Variants in CELSR1 observed in about 807,000 individuals in gnomAD.
CELSR1 encodes cadherin EGF LAG seven-pass G-type receptor 1, also known as adhesion G protein-coupled receptor C1.
Under a neutral mutation model 249.1 loss-of-function variants are expected in CELSR1, and 110 were observed. The ratio of observed to expected loss-of-function variants is 0.44; its 90% CI spans 0.38 to 0.52. The LOEUF (loss-of-function observed/expected upper bound fraction) is 0.52. Ranked by LOEUF, CELSR1 falls within the 20% of genes least tolerant of loss-of-function variation. CELSR1 has a pLI of 0.00. For missense variants in CELSR1, 4,109 were observed against 4,296.4 expected, an observed-to-expected ratio of 0.96 and a Z score of 1.22; for synonymous variants, 2,113 against 1,900.0, an observed-to-expected ratio of 1.11 and a Z score of -2.92.
rs1183091134 is a variant in CELSR1, at chr22:46,490,645, T to C, written c.3545-26300A>G. On this transcript the variant is annotated intron_variant, in intron 1 of 34. Coordinates refer to ENST00000674500, the MANE Select transcript of CELSR1 (RefSeq NM_001378328.1). This position sits in a 1 kb window ranked among gnomAD's most constrained non-coding sequence, Gnocchi z 5.2. Reference sequence around the variant, plus strand: ...AGCGTCGTGGAGCCTCCCTCAGGCATGGCTGTGAGCGCCACAGCTGCAGAC... The same window carrying C: ...AGCGTCGTGGAGCCTCCCTCAGGCACGGCTGTGAGCGCCACAGCTGCAGAC... Among the ~76,000 whole-genome samples the C allele has an allele frequency of 6.6e-6, 1 of 151,836 alleles. No individual in the cohort carries two copies. The highest frequency in any genetic ancestry group is 1.5e-5 in the Non-Finnish European group (1 of 67,956).
In CELSR1 at chr22:46,369,212, C is replaced by G; in HGVS notation, c.7919G>C (p.Arg2640Thr). ...SVLSAKVSCQ[R>T]KHHYYGKKGI... ...TTTTTTCCCATAATAATGGTGCTTT[C>G]TTTGGCAGGAAACCTTTGCAGATAG... Residue 2640 changes from arginine to threonine, a missense_variant, in exon 27 of 35, where the codon AGA (arginine) becomes ACA (threonine). Around this residue, in one of 7 missense-constraint regions of CELSR1, gnomAD observed 1,805 missense variants for 1,831.6 expected, o/e 0.99. Coordinates refer to ENST00000674500, the MANE Select transcript of CELSR1 (RefSeq NM_001378328.1). 1 of 1,614,158 alleles carries G rather than the reference C, an allele frequency of 6.2e-7. No individual in the cohort carries two copies. The highest frequency in any genetic ancestry group is 1.3e-5 in the African/African-American group (1 of 75,064).
intron 2 of CELSR1, among the ~76,000 whole-genome samples, chr22:46,442,714 A>T (rs1043946147): frequency 2.0e-5 from 3 of 152,202 alleles, no homozygotes; most frequent in African/African-American, 7.2e-5. Flanking sequence ...ATCAGAGGTA[A>T]ATGGTGCCTC....
At chr22:46,509,773 G>A (rs1157304830) in intron 1 of CELSR1, among the ~76,000 whole-genome samples, 1 of 152,146 alleles carries the variant, frequency 6.6e-6, no homozygotes. Flanking sequence ...GGTTTCACGA[G>A]GGGATGGCTG....
chr22:46,433,598 T>TC lies in CELSR1; in HGVS notation c.4523-118dup. The stretch of plus-strand genomic sequence containing the variant: ...CAGGTGCACATGGCCACGTCCTCCC[T>TC]CCCCTCCCCACGGCACCATGGTGGG... On this transcript the variant is annotated intron_variant, in intron 4 of 34. Transcript: ENST00000674500. The surrounding 1 kb of genome is among the most constrained non-coding windows in gnomAD (Gnocchi z 5.7). The TC allele has an allele frequency of 1.4e-6, 1 of 689,968 alleles. No homozygotes were observed. Among genetic ancestry groups the TC allele is most frequent in the Admixed American group, 2.4e-5 (1 of 41,372 alleles). 42.7% of individuals were successfully genotyped at this position (689,968 alleles called of 1,614,324 possible).
At position 46,427,705 on chromosome 22, in the gene CELSR1, T is replaced by G. The variant is rs911156351; in HGVS notation, c.4611+5688A>C. ...TTCTATTAAATACCTTCCAAGTTCGTTTCTGTAAGTTGGATTCTGTGCGTG... is the reference window on the plus strand; with the variant it reads ...TTCTATTAAATACCTTCCAAGTTCGGTTCTGTAAGTTGGATTCTGTGCGTG... On this transcript the variant is annotated intron_variant, in intron 5 of 34. Transcript: ENST00000674500. This position sits in a 1 kb window ranked among gnomAD's most constrained non-coding sequence, Gnocchi z 4.2. 1.4e-4 allele frequency among the ~76,000 whole-genome samples: 22 copies of G among 152,184 alleles called. No homozygotes were observed. The highest frequency in any genetic ancestry group is 2.4e-5 in the African/African-American group (1 of 41,436).
At chr22:46,452,969 TG>T (rs1477011577) in intron 2 of CELSR1, among the ~76,000 whole-genome samples, 5 of 152,010 alleles carry the variant, frequency 3.3e-5, no homozygotes, top group East Asian at 1.9e-4. Context: ...TAGAGTTGAG[TG>T]GGGACATTCA....
chr22:46,439,612 G>A (rs2147469543), intron 2 of CELSR1, among the ~76,000 whole-genome samples: 1 of 152,256 alleles, frequency 6.6e-6, no homozygotes, highest in South Asian at 2.1e-4. Flanking sequence ...GCCAGAGTCG[G>A]CTGCACCCAG....
At chr22:46,387,644 C>T (rs749634509) in intron 18 of CELSR1, among the ~76,000 whole-genome samples, 1 of 152,130 alleles carries the variant, frequency 6.6e-6, no homozygotes, top group Non-Finnish European at 1.5e-5. Context: ...CAGGCGTGAG[C>T]GACCGCGCCC....
intron 1 of CELSR1, among the ~76,000 whole-genome samples, chr22:46,503,029 A>T (rs1288991965): frequency 6.6e-6 from 1 of 152,170 alleles, no homozygotes; most frequent in African/African-American, 2.4e-5. Flanking sequence ...CAACTCCAGG[A>T]CAGCCCCCCT....
At position 46,536,196 on chromosome 22, in the gene CELSR1, G is replaced by A. The variant is rs762194089; in HGVS notation, c.975C>T (p.Ala325=). Residue 325 remains alanine, a synonymous_variant, in exon 1 of 35, where the codon GCC becomes GCT. Transcript: ENST00000674500. ...TKETHVLRVK[A]VDYSTPPRSA... The stretch of plus-strand genomic sequence containing the variant: ...AGCGCGGCGGCGTACTGTAGTCCAC[G>A]GCTTTCACCCTGAGGACGTGCGTCT... 53 of 1,612,670 alleles carry A rather than the reference G, an allele frequency of 3.3e-5. No homozygotes were observed. Among genetic ancestry groups the A allele is most frequent in the Non-Finnish European group, 4.2e-5 (49 of 1,179,996 alleles).
At chr22:46,493,616 C>A (rs1347285037) in intron 1 of CELSR1, among the ~76,000 whole-genome samples, 1 of 151,882 alleles carries the variant, frequency 6.6e-6, no homozygotes, top group East Asian at 1.9e-4. Context: ...CAAATCTCAT[C>A]TTGAATTGTA....
At chr22:46,369,361 G>T in intron 26 of CELSR1, 103 bp from the exon 27 acceptor site, 2 of 992,540 alleles carry the variant, frequency 2.0e-6, no homozygotes, top group Non-Finnish European at 3.1e-6. Context: ...AGGGGTGGCT[G>T]GGTGAGGAGG....
Position 46,456,063 on chromosome 22 carries a change from C to T in CELSR1, c.4183+7644G>A, listed in dbSNP as rs542564117. 3.5e-4 allele frequency among the ~76,000 whole-genome samples: 53 copies of T among 152,298 alleles called. 3 individuals are homozygous for T. The South Asian group carries it at 0.01, about 30-fold the overall frequency. On this transcript the variant is annotated intron_variant, in intron 2 of 34. Transcript: ENST00000674500. Reference sequence around the variant, plus strand: ...TTCCCAAGAAAGGATTCTGTTACTGCTTTATTTGAGATTTTAATTACAGGT... The same window carrying T: ...TTCCCAAGAAAGGATTCTGTTACTGTTTTATTTGAGATTTTAATTACAGGT...
intron 1 of CELSR1, chr22:46,481,237 T>G (rs1254563355): frequency 4.6e-5 from 14 of 304,836 alleles, no homozygotes; most frequent in Non-Finnish European, 7.0e-5. Flanking sequence ...AACAAGACCA[T>G]GTCTCAAAAA....
At chr22:46,369,612 G>T (rs1316821298) in intron 26 of CELSR1, 80 bp downstream of exon 26, 8 of 1,342,948 alleles carry the variant, frequency 6.0e-6, no homozygotes, top group Non-Finnish European at 8.4e-6. Context: ...AGGAGTTGGT[G>T]GCCCCAGCCA....
chr22:46,520,946 C>A (rs1012309725), intron 1 of CELSR1, among the ~76,000 whole-genome samples: 1 of 152,162 alleles, frequency 6.6e-6, no homozygotes, highest in Non-Finnish European at 1.5e-5. Context: ...GAATTTGACT[C>A]CTCTAGGGAC....
In CELSR1 at chr22:46,468,534, AC is replaced by A; in HGVS notation, c.3545-4190del. Among the ~76,000 whole-genome samples, 1 of 152,270 alleles carries A rather than the reference AC, an allele frequency of 6.6e-6. No individual in the cohort carries two copies. The highest frequency in any genetic ancestry group is 2.1e-4 in the South Asian group (1 of 4,828). On this transcript the variant is annotated intron_variant, in intron 1 of 34. Coordinates refer to ENST00000674500, the MANE Select transcript of CELSR1 (RefSeq NM_001378328.1). This position sits in a 1 kb window ranked among gnomAD's most constrained non-coding sequence, Gnocchi z 4.5. ...GCCGGTCACATGTGAGGCTGCACTT[AC>A]AGGAGGTCCCTAGAGGAGTTCGATT...
In CELSR1 at chr22:46,428,305, G is replaced by T. The variant is rs2079558256; in HGVS notation, c.4611+5088C>A. ...CTCCAGCAGCCAGCTCAGGCATGGG[G>T]CTTCATTGCGTGTGGTCTAGCCACC... On this transcript the variant is annotated intron_variant, in intron 5 of 34. Transcript: ENST00000674500. This position sits in a 1 kb window ranked among gnomAD's most constrained non-coding sequence, Gnocchi z 5.7. Among the ~76,000 whole-genome samples, 1 of 152,246 alleles carries T rather than the reference G, an allele frequency of 6.6e-6. No individual in the cohort carries two copies. The highest frequency in any genetic ancestry group is 2.4e-5 in the African/African-American group (1 of 41,456).
chr22:46,422,835 G>A (rs1244832831), intron 5 of CELSR1, among the ~76,000 whole-genome samples: 1 of 150,382 alleles, frequency 6.6e-6, no homozygotes, highest in African/African-American at 2.5e-5. Context: ...TAAATACAAA[G>A]AACTCAAGTG....
Sources: allele counts gnomAD v4.1 joint callset (sites outside exome capture counted in the v4.1 genomes callset), GRCh38; gene constraint gnomAD v4.1.1; regional missense constraint gnomAD v4.1.1; non-coding constraint Gnocchi (gnomAD v3.1); transcripts MANE v1.5; gene names NCBI Gene and HGNC (gene_info 2026-07-23, HGNC 2026-07-21).